Variants in ANKRD42 observed in about 807,000 individuals in gnomAD.
ANKRD42 encodes the protein ankyrin repeat domain-containing protein 42.
Under a neutral mutation model 51.5 loss-of-function variants are expected in ANKRD42, and 43 were observed. That is an observed-to-expected ratio of 0.83 (90% CI 0.65 to 1.08). ANKRD42 has a LOEUF of 1.08. Among genes scored for constraint, ANKRD42 ranks in the 50% least tolerant of loss-of-function variants. The probability of loss-of-function intolerance (pLI) is 0.00; values close to 1 mark genes in which losing one functional copy is unlikely to be tolerated. For missense variants in ANKRD42, 608 were observed against 629.3 expected (o/e 0.97, Z 0.36); for synonymous variants, 203 against 213.0 (o/e 0.95, Z 0.41).
intron 9 of ANKRD42, among the ~76,000 whole-genome samples, chr11:83,241,611 G>A (rs1300505879): frequency 6.6e-6 from 1 of 152,184 alleles, no homozygotes; most frequent in African/African-American, 2.4e-5. Flanking sequence ...CCCTAAGGAA[G>A]TGGCGACAGA....
At chr11:83,225,126 T>A (rs1862837746) in intron 6 of ANKRD42, 71 bp downstream of exon 6, 1 of 1,336,858 alleles carries the variant, frequency 7.5e-7, no homozygotes, top group African/African-American at 1.5e-5. Flanking sequence ...ATGAGTAGAA[T>A]CAATGAAATA....
Position 83,245,478 on chromosome 11 carries a change from TA to T in ANKRD42, c.1196-19del. Reference sequence around the variant, plus strand: ...GCTGTTATATGTCTAACTAGGTTCCTACTCAACTCTGTCTTGCAGTGAGAGC... The same window carrying T: ...GCTGTTATATGTCTAACTAGGTTCCTCTCAACTCTGTCTTGCAGTGAGAGC... On this transcript the variant is annotated intron_variant, in intron 9 of 10. Coordinates refer to ENST00000533342, the MANE Select transcript of ANKRD42 (RefSeq NM_001300975.2). 4 of 1,534,650 alleles carry T rather than the reference TA, an allele frequency of 2.6e-6. No individual in the cohort carries two copies. Among genetic ancestry groups the T allele is most frequent in the Non-Finnish European group, 3.5e-6 (4 of 1,146,382 alleles).
chr11:83,250,044 T>G (rs1349394030), downstream of ANKRD42, among the ~76,000 whole-genome samples: 1 of 152,208 alleles, frequency 6.6e-6, no homozygotes, highest in Non-Finnish European at 1.5e-5. Flanking sequence ...TAAATAAATG[T>G]GTAGAGCCAC....
At chr11:83,262,961 T>C (rs1211783573), downstream of ANKRD42, among the ~76,000 whole-genome samples, 4 of 152,220 alleles carry the variant, frequency 2.6e-5, no homozygotes, top group Admixed American at 1.3e-4. Context: ...TTACACACAC[T>C]ACTTTATTTA....
intron 3 of ANKRD42, chr11:83,209,762 A>T: frequency 1.6e-6 from 1 of 632,592 alleles, no homozygotes; most frequent in South Asian, 1.8e-5. Context: ...TGTTCAATGT[A>T]CTGTTTCAAT....
chr11:83,258,623 T>C (rs953603885), downstream of ANKRD42, among the ~76,000 whole-genome samples: 2 of 152,192 alleles, frequency 1.3e-5, no homozygotes, highest in South Asian at 4.1e-4. Flanking sequence ...TGAGCACATA[T>C]ATGTTATTTA....
intron 10 of ANKRD42, among the ~76,000 whole-genome samples, chr11:83,246,394 C>T (rs1011809530): frequency 1.3e-5 from 2 of 152,114 alleles, no homozygotes; most frequent in Admixed American, 6.5e-5. Context: ...ACTTAGCATC[C>T]GTGGGTTTTG....
At chr11:83,237,564 C>A (rs191094778) in intron 8 of ANKRD42, among the ~76,000 whole-genome samples, 2 of 152,268 alleles carry the variant, frequency 1.3e-5, no homozygotes, top group African/African-American at 4.8e-5. Flanking sequence ...TGCTCTGGTC[C>A]AATCATTTGC....
In ANKRD42 at chr11:83,228,795, A is replaced by G. The variant is rs543205920; in HGVS notation, c.913+923A>G. Among the ~76,000 whole-genome samples the G allele has an allele frequency of 3.9e-5, 6 of 152,264 alleles. No homozygotes were observed. In the East Asian group the frequency reaches 1.2e-3, roughly 29 times the overall value. ...ATGCAAAGGATGTTTTCTCCTACAC[A>G]GAGAGAGGTCCACAGATTGGTGAGC... On this transcript the variant is annotated intron_variant, in intron 7 of 10. Coordinates refer to ENST00000533342, the MANE Select transcript of ANKRD42 (RefSeq NM_001300975.2).
At chr11:83,236,947 G>T (rs1315954472) in intron 8 of ANKRD42, among the ~76,000 whole-genome samples, 1 of 152,164 alleles carries the variant, frequency 6.6e-6, no homozygotes, top group African/African-American at 2.4e-5. Flanking sequence ...AAGTGACTTG[G>T]ATTTTGAAAC....
Position 83,210,352 on chromosome 11 carries a change from C to G in ANKRD42, c.383C>G (p.Thr128Ser), listed in dbSNP as rs777473837. 1.7e-5 allele frequency: 27 copies of G among 1,614,050 alleles called. No individual in the cohort carries two copies. In the South Asian group the frequency reaches 3.0e-4, roughly 18 times the overall value. ...NLTAQDDRGC[T>S]PLHLAATHGH... Reference sequence around the variant, plus strand: ...ACAGCCCAGGATGACCGGGGATGCACTCCTTTACATCTTGCTGCAACTCAT... The same window carrying G: ...ACAGCCCAGGATGACCGGGGATGCAGTCCTTTACATCTTGCTGCAACTCAT... Residue 128 changes from threonine (T) to serine (S), a missense_variant, in exon 4 of 11, where the codon ACT becomes AGT. Transcript: ENST00000533342.
downstream of ANKRD42, among the ~76,000 whole-genome samples, chr11:83,250,028 AGTGGATAAATAAAT>A (rs1365037692): frequency 6.6e-6 from 1 of 152,120 alleles, no homozygotes; most frequent in Non-Finnish European, 1.5e-5. Flanking sequence ...TGACATGGTC[AGTGGATAAATAAAT>A]GTGTAGAGCC....
In ANKRD42 at chr11:83,245,487, C is replaced by T; in HGVS notation, c.1196-11C>T. On this transcript the variant is annotated splice_polypyrimidine_tract_variant and intron_variant, in intron 9 of 10. Transcript: ENST00000533342. ...TGTCTAACTAGGTTCCTACTCAACT[C>T]TGTCTTGCAGTGAGAGCTTACAAGA... 1 of 1,535,352 alleles carries T rather than the reference C, an allele frequency of 6.5e-7. No homozygotes were observed. Among genetic ancestry groups the T allele is most frequent in the South Asian group, 1.2e-5 (1 of 83,968 alleles).
At chr11:83,225,103 T>G in intron 6 of ANKRD42, 48 bp downstream of exon 6, 1 of 1,508,494 alleles carries the variant, frequency 6.6e-7, no homozygotes, top group Non-Finnish European at 9.1e-7. Flanking sequence ...ATGATGATGA[T>G]GATGATAATA....
chr11:83,206,117 G>A lies in ANKRD42; in HGVS notation c.282G>A (p.Trp94Ter), dbSNP rs568308910. ...TCACACACGTAACAACGAGAGGTTG[G>A]ACAGCATCTCACATAGCTGCAATCA... ...ADITHVTTRG[W>*]TASHIAAIRG... is the part of the protein sequence containing the mutation. Residue 94 changes from tryptophan to a stop codon, truncating the protein, a stop_gained, in exon 3 of 11, where the codon TGG (tryptophan) becomes TGA (stop). Coordinates refer to ENST00000533342, the MANE Select transcript of ANKRD42 (RefSeq NM_001300975.2). LOFTEE classifies it high-confidence loss of function. 4 of 1,614,042 alleles carry A rather than the reference G, an allele frequency of 2.5e-6. No individual in the cohort carries two copies. Among genetic ancestry groups the A allele is most frequent in the South Asian group, 2.2e-5 (2 of 91,074 alleles).
In ANKRD42 at chr11:83,224,945, A is replaced by C. The variant is rs376999354; in HGVS notation, c.677A>C (p.Asn226Thr). 1 of 1,613,528 alleles carries C rather than the reference A, an allele frequency of 6.2e-7. No homozygotes were observed. The highest frequency in any genetic ancestry group is 8.5e-7 in the Non-Finnish European group (1 of 1,179,622). ...SSATQVLKAF[N>T]DNGENVLDLA... ...GCGACGCAAGTTTTAAAAGCTTTCA[A>C]TGATAATGGAGAAAATGTACTGGAT... The change falls in exon 6 of 11, where the codon AAT becomes ACT. Residue 226 changes from asparagine to threonine, a missense_variant. Asn to Thr is a moderately conservative substitution (Grantham distance 65, BLOSUM62 0). Coordinates refer to ENST00000533342, the MANE Select transcript of ANKRD42 (RefSeq NM_001300975.2).
chr11:83,243,985 T>C (rs1315634385), intron 9 of ANKRD42, among the ~76,000 whole-genome samples: 1 of 129,984 alleles, frequency 7.7e-6, no homozygotes, highest in Non-Finnish European at 1.6e-5. Flanking sequence ...TTTTTTTTTT[T>C]TTTTTTTTTT....
intron 3 of ANKRD42, among the ~76,000 whole-genome samples, chr11:83,206,785 A>C (rs191104845): frequency 6.6e-6 from 1 of 152,242 alleles, no homozygotes; most frequent in South Asian, 2.1e-4. Context: ...TAGTAGTCCA[A>C]ACAGACTAAG....
chr11:83,250,021 C>G (rs1248416123), downstream of ANKRD42, among the ~76,000 whole-genome samples: 1 of 152,014 alleles, frequency 6.6e-6, no homozygotes. Context: ...GATGAGTTGA[C>G]ATGGTCAGTG....
Sources: gnomAD v4.1 joint callset for allele counts (sites outside exome capture counted in the v4.1 genomes callset) on GRCh38, gnomAD v4.1.1 for gene constraint, MANE v1.5 for transcripts, NCBI Gene and HGNC (gene_info 2026-07-23, HGNC 2026-07-21) for gene names.